The following SPAG16 variants were observed in gnomAD, a reference collection of about 807,000 sequenced individuals.
SPAG16 encodes the protein sperm-associated antigen 16 protein.
A neutral mutation model predicts 80.4 loss-of-function variants in SPAG16; 86 were observed. The ratio of observed to expected loss-of-function variants is 1.07; its 90% CI spans 0.90 to 1.28. The LOEUF (loss-of-function observed/expected upper bound fraction) is 1.28, where lower values mean the gene tolerates loss of function less well. Among genes scored for constraint, SPAG16 ranks in the 50% most tolerant of loss-of-function variants. The pLI is 0.00. For synonymous variants in SPAG16, 294 were observed against 265.9 expected (o/e 1.11, Z -1.03); for missense variants, 870 against 765.3 (o/e 1.14, Z -1.61).
chr2:214,268,880 T>C (rs770924953), intron 15 of SPAG16, among the ~76,000 whole-genome samples: 3 of 151,964 alleles, frequency 2.0e-5, no homozygotes, highest in Non-Finnish European at 4.4e-5. Flanking sequence ...CTTTTCCCTA[T>C]GCTATTCGGC....
At chr2:213,354,678 A>G (rs1209151580) in intron 7 of SPAG16, among the ~76,000 whole-genome samples, 1 of 152,172 alleles carries the variant, frequency 6.6e-6, no homozygotes, top group Non-Finnish European at 1.5e-5. Flanking sequence ...GGCTGCATAA[A>G]TGTCTTCTTT....
At chr2:213,360,152 A>G (rs532168462) in intron 7 of SPAG16, among the ~76,000 whole-genome samples, 2 of 152,340 alleles carry the variant, frequency 1.3e-5, no homozygotes, top group East Asian at 3.9e-4. Flanking sequence ...TACCATGGAC[A>G]ATGCTAATAC....
chr2:213,992,770 G>A lies in SPAG16; in HGVS notation c.1401-21181G>A, dbSNP rs559546778. ...ACTGACACACTTATATGCATCAGTC[G>A]ATATTTCTATCATGTGTAAATTGTG... On this transcript the variant is annotated intron_variant, in intron 12 of 15. Transcript: ENST00000331683. Among the ~76,000 whole-genome samples the A allele has an allele frequency of 3.0e-4, 46 of 152,212 alleles. 1 individual carries two copies. The South Asian group carries it at 5.0e-3, about 16-fold the overall frequency.
chr2:214,043,809 G>C (rs922378081), intron 13 of SPAG16, among the ~76,000 whole-genome samples: 1 of 152,022 alleles, frequency 6.6e-6, no homozygotes, highest in Non-Finnish European at 1.5e-5. Flanking sequence ...AGAAAATAAT[G>C]TCAATAGTTT....
rs535773503 is a variant in SPAG16 at position 213,955,470 on chromosome 2, G to A, written c.1400+25325G>A. On this transcript the variant is annotated intron_variant, in intron 12 of 15. Transcript: ENST00000331683. ...TTTCATCCTTGACTTGTTGGGGTACGCTTGTTGAAAATCATTTAACTATAA... is the reference window on the plus strand; with the variant it reads ...TTTCATCCTTGACTTGTTGGGGTACACTTGTTGAAAATCATTTAACTATAA... Among the ~76,000 whole-genome samples the A allele has an allele frequency of 1.1e-4, 17 of 152,190 alleles. No homozygotes were observed. In the East Asian group the frequency reaches 2.3e-3, roughly 21 times the overall value.
intron 10 of SPAG16, among the ~76,000 whole-genome samples, chr2:213,679,182 A>G (rs1391700427): frequency 6.6e-6 from 1 of 152,232 alleles, no homozygotes; most frequent in Admixed American, 6.6e-5. Flanking sequence ...ATTCTGTGAC[A>G]TGAAACAGAT....
chr2:213,459,462 T>C (rs1175577542), intron 9 of SPAG16, among the ~76,000 whole-genome samples: 1 of 152,196 alleles, frequency 6.6e-6, no homozygotes, highest in Non-Finnish European at 1.5e-5. Flanking sequence ...ATCCAATGGG[T>C]GATTGAGATG....
intron 10 of SPAG16, among the ~76,000 whole-genome samples, chr2:213,782,536 A>C (rs1001303511): frequency 2.0e-5 from 3 of 152,238 alleles, no homozygotes; most frequent in Non-Finnish European, 2.9e-5. Context: ...AAGAAATTAC[A>C]TAGCTGTTAT....
At chr2:213,746,292 C>A (rs190477449) in intron 10 of SPAG16, among the ~76,000 whole-genome samples, 8 of 152,280 alleles carry the variant, frequency 5.3e-5, no homozygotes, top group Non-Finnish European at 4.4e-5. Flanking sequence ...GACAGTAATA[C>A]TCTCTGAAAA....
Position 214,015,547 on chromosome 2 carries a change from GA to G in SPAG16, c.1527+1473del, listed in dbSNP as rs1350030475. ...CAGGAGGCGGAAGTTGCAGTGAGCC[GA>G]AATCATGCCATTGCACTCTAGCCTG... On this transcript the variant is annotated intron_variant, in intron 13 of 15. Coordinates refer to ENST00000331683, the MANE Select transcript of SPAG16 (RefSeq NM_024532.5). 1.3e-5 allele frequency among the ~76,000 whole-genome samples: 2 copies of G among 150,054 alleles called. 1 individual carries two copies.
intron 12 of SPAG16, among the ~76,000 whole-genome samples, chr2:213,987,784 G>A (rs1002020319): frequency 6.8e-6 from 1 of 146,010 alleles, no homozygotes; most frequent in South Asian, 2.1e-4. Flanking sequence ...ATACATAACA[G>A]AAAAACTATA....
intron 11 of SPAG16, among the ~76,000 whole-genome samples, chr2:213,902,740 C>G (rs1193753358): frequency 1.3e-5 from 2 of 152,196 alleles, no homozygotes. Flanking sequence ...TAACTCATCT[C>G]AGCATTAACC....
intron 7 of SPAG16, among the ~76,000 whole-genome samples, chr2:213,356,990 C>T (rs1463198552): frequency 2.0e-5 from 3 of 151,996 alleles, no homozygotes; most frequent in East Asian, 1.9e-4. Context: ...TTATTTCTGC[C>T]TTAATTTCGT....
intron 10 of SPAG16, among the ~76,000 whole-genome samples, chr2:213,829,701 T>C (rs1385959972): frequency 6.6e-6 from 1 of 152,152 alleles, no homozygotes; most frequent in Admixed American, 6.5e-5. Context: ...GCCCAGGGAC[T>C]ATTTCATCAG....
At chr2:214,103,976 G>GGA (rs1396863655) in intron 13 of SPAG16, among the ~76,000 whole-genome samples, 1 of 151,362 alleles carries the variant, frequency 6.6e-6, no homozygotes, top group Non-Finnish European at 1.5e-5. Flanking sequence ...AGAGAGGGAG[G>GGA]GAGAGAGAGA....
intron 14 of SPAG16, among the ~76,000 whole-genome samples, chr2:214,133,614 A>G (rs2054898941): frequency 6.6e-6 from 1 of 152,026 alleles, no homozygotes; most frequent in Admixed American, 6.6e-5. Context: ...CTGAGATCAC[A>G]CCACTGCACT....
chr2:214,356,509 A>C (rs1559238651), intron 15 of SPAG16, among the ~76,000 whole-genome samples: 1 of 151,968 alleles, frequency 6.6e-6, no homozygotes, highest in Non-Finnish European at 1.5e-5. Flanking sequence ...ACTTGCAAAA[A>C]ATTAATGTTT....
intron 10 of SPAG16, among the ~76,000 whole-genome samples, chr2:213,596,122 C>G (rs911744382): frequency 2.6e-5 from 4 of 152,044 alleles, no homozygotes; most frequent in Non-Finnish European, 5.9e-5. Context: ...TAGCATATCA[C>G]ATACATAGAA....
intron 15 of SPAG16, among the ~76,000 whole-genome samples, chr2:214,261,893 A>T (rs559885183): frequency 1.3e-5 from 2 of 152,294 alleles, no homozygotes; most frequent in African/African-American, 4.8e-5. Context: ...TCTTGGTAGC[A>T]TAGATCATCT....
Sources: allele counts gnomAD v4.1 joint callset (sites outside exome capture counted in the v4.1 genomes callset), GRCh38; gene constraint gnomAD v4.1.1; transcripts MANE v1.5; gene names NCBI Gene and HGNC (gene_info 2026-07-23, HGNC 2026-07-21).